Variants in DLG5 observed in about 807,000 individuals in gnomAD.
DLG5 encodes disks large homolog 5.
In DLG5, 48 loss-of-function variants were observed where a neutral mutation model predicts 189.8. That is an observed-to-expected ratio of 0.25 (90% CI 0.20 to 0.32). DLG5 has a LOEUF of 0.32. Among genes scored for constraint, DLG5 ranks in the 10% least tolerant of loss-of-function variants. DLG5 has a pLI of 1.00. For synonymous variants in DLG5, 1,016 were observed against 1,054.1 expected (o/e 0.96, Z 0.70); for missense variants, 2,160 against 2,544.7 (o/e 0.85, Z 3.25).
intron 18 of DLG5, 117 bp downstream of exon 18, chr10:77,817,660 C>T: frequency 1.2e-6 from 1 of 846,646 alleles, no homozygotes; most frequent in Non-Finnish European, 1.9e-6. Flanking sequence ...GAGCTCAGTC[C>T]CAGGAGGTGA....
chr10:77,898,872 G>A (rs1047963675), intron 1 of DLG5, among the ~76,000 whole-genome samples: 5 of 152,312 alleles, frequency 3.3e-5, no homozygotes, highest in Non-Finnish European at 7.4e-5. Context: ...AGTCACCCAC[G>A]CCGGGACGGG....
At position 77,926,644 on chromosome 10, in the gene DLG5, A is replaced by G. The variant is rs1419159688; in HGVS notation, c.-124T>C. 4.3e-6 allele frequency: 3 copies of G among 693,152 alleles called. No homozygotes were observed. Among genetic ancestry groups the G allele is most frequent in the East Asian group, 1.1e-4 (1 of 8,842 alleles). 42.9% of individuals were successfully genotyped at this position (693,152 alleles called of 1,614,324 possible). A position where few individuals can be genotyped will look rare whatever the true frequency, so the allele number is the denominator to read the frequency against. ...CGGGAGCCGTGAGGCGGCGGGAGCC[A>G]TGGGCCGGGGCCTGGGCGGGCTGGG... is the stretch of plus-strand genomic sequence containing the variant. On this transcript the variant is annotated 5_prime_UTR_variant, in exon 1 of 32. The change abolishes an upstream ATG in the 5' untranslated region. Transcript: ENST00000372391. This position sits in a 1 kb window ranked among gnomAD's most constrained non-coding sequence, Gnocchi z 5.2.
chr10:77,853,250 G>C (rs1844068031), intron 5 of DLG5, 104 bp downstream of exon 5: 17 of 1,138,012 alleles, frequency 1.5e-5, no homozygotes, highest in Non-Finnish European at 2.0e-5. Context: ...TCACAGATGT[G>C]AGCCAACGTG....
chr10:77,858,049 C>T (rs1194964299), intron 2 of DLG5, among the ~76,000 whole-genome samples: 1 of 152,136 alleles, frequency 6.6e-6, no homozygotes, highest in Non-Finnish European at 1.5e-5. Flanking sequence ...TGGGGCCTTC[C>T]AGAAGGGCCA....
intron 5 of DLG5, among the ~76,000 whole-genome samples, chr10:77,844,026 G>C (rs552540394): frequency 2.0e-5 from 3 of 152,146 alleles, no homozygotes; most frequent in Admixed American, 6.5e-5. Flanking sequence ...CTAGGAACCC[G>C]AACAGTAAAC....
intron 1 of DLG5, among the ~76,000 whole-genome samples, chr10:77,876,278 C>A (rs1386525208): frequency 6.6e-6 from 1 of 151,638 alleles, no homozygotes; most frequent in East Asian, 1.9e-4. Context: ...GTGGCTCATG[C>A]CTGTAATCCC....
intron 1 of DLG5, among the ~76,000 whole-genome samples, chr10:77,902,689 T>A (rs1025367228): frequency 6.6e-6 from 1 of 151,854 alleles, no homozygotes. Context: ...TGAAACCCCA[T>A]CTCTACTAAA....
At chr10:77,799,451 T>G (rs1366569531) in intron 27 of DLG5, among the ~76,000 whole-genome samples, 1 of 152,136 alleles carries the variant, frequency 6.6e-6, no homozygotes, top group Non-Finnish European at 1.5e-5. Flanking sequence ...GTCTCCAACA[T>G]GTGAGGACAC....
chr10:77,817,576 C>A (rs183585610), intron 18 of DLG5, among the ~76,000 whole-genome samples: 1 of 152,230 alleles, frequency 6.6e-6, no homozygotes, highest in African/African-American at 2.4e-5. Context: ...AAGCGGAAGG[C>A]GAAAGCAATG....
chr10:77,891,686 C>T (rs539937760), intron 1 of DLG5, among the ~76,000 whole-genome samples: 85 of 152,254 alleles, frequency 5.6e-4, no homozygotes, highest in African/African-American at 2.0e-3. Flanking sequence ...CTACACATCA[C>T]TCCCACAGGA....
the DLG5 span, among the ~76,000 whole-genome samples, chr10:77,932,309 AG>A: frequency 6.6e-6 from 1 of 152,316 alleles, no homozygotes; most frequent in East Asian, 1.9e-4. Flanking sequence ...ACAGTGAGGC[AG>A]GGGCCCCCAG....
intron 20 of DLG5, among the ~76,000 whole-genome samples, chr10:77,815,328 T>A (rs1004992971): frequency 6.6e-6 from 1 of 152,212 alleles, no homozygotes; most frequent in African/African-American, 2.4e-5. Flanking sequence ...GGTTCTCTGG[T>A]TGGTTGCCTT....
At chr10:77,893,616 T>A (rs992404949) in intron 1 of DLG5, among the ~76,000 whole-genome samples, 1 of 152,204 alleles carries the variant, frequency 6.6e-6, no homozygotes, top group Non-Finnish European at 1.5e-5. Context: ...GCCAAGTCCA[T>A]AGTCAGTCCC....
intron 1 of DLG5, among the ~76,000 whole-genome samples, chr10:77,874,447 T>C (rs972799609): frequency 6.6e-6 from 1 of 152,198 alleles, no homozygotes; most frequent in Non-Finnish European, 1.5e-5. Flanking sequence ...CTGAAACTTT[T>C]TGAGCACCAA....
chr10:77,865,167 C>G (rs1844622187), intron 2 of DLG5, among the ~76,000 whole-genome samples: 1 of 152,218 alleles, frequency 6.6e-6, no homozygotes, highest in Admixed American at 6.5e-5. Flanking sequence ...CAGTGCCTGT[C>G]TCCCTGGCAG....
Position 77,821,270 on chromosome 10 carries a change from G to T in DLG5, c.3214C>A (p.Arg1072Ser), listed in dbSNP as rs138732431. 26 of 1,613,722 alleles carry T rather than the reference G, an allele frequency of 1.6e-5. No individual in the cohort carries two copies. The highest frequency in any genetic ancestry group is 2.0e-5 in the Non-Finnish European group (24 of 1,180,042). Residue 1072 changes from arginine to serine, a missense_variant, in exon 15 of 32, where the codon CGC (arginine) becomes AGC (serine). Physicochemically the swap from Arg to Ser is moderately radical, Grantham distance 110. This residue lies in a region of DLG5 where 754 missense variants were observed against 746.5 expected (regional missense o/e 1.01). Coordinates refer to ENST00000372391, the MANE Select transcript of DLG5 (RefSeq NM_004747.4). ...HASPPRKARV[R>S]IASSYYPEGD... is the part of the protein sequence containing the mutation. ...TCAGGGTAGTAGCTGGAAGCAATGCGGACCCTGGCCTTGCGAGGGGGTGAT... is the reference window on the plus strand; with the variant it reads ...TCAGGGTAGTAGCTGGAAGCAATGCTGACCCTGGCCTTGCGAGGGGGTGAT...
At position 77,796,090 on chromosome 10, in the gene DLG5, C is replaced by G; in HGVS notation, c.5407G>C (p.Val1803Leu). The change falls in exon 29 of 32, where the codon GTG becomes CTG. Residue 1803 changes from valine to leucine, a missense_variant. By Grantham distance (32) the Val-to-Leu change is conservative. Transcript: ENST00000372391. This position sits in a 1 kb window ranked among gnomAD's most constrained non-coding sequence, Gnocchi z 5.2. The part of the protein sequence containing the change: ...RRSGHFDVTT[V>L]ASIKEITEKN... ...TCTGTGATCTCCTTTATTGACGCCACAGTGGTCACATCGAAATGGCCGCTT... is the reference window on the plus strand; with the variant it reads ...TCTGTGATCTCCTTTATTGACGCCAGAGTGGTCACATCGAAATGGCCGCTT... The G allele has an allele frequency of 6.2e-7, 1 of 1,614,214 alleles. No individual in the cohort carries two copies. Among genetic ancestry groups the G allele is most frequent in the Non-Finnish European group, 8.5e-7 (1 of 1,180,040 alleles).
intron 1 of DLG5, among the ~76,000 whole-genome samples, chr10:77,872,224 G>A (rs1844929454): frequency 6.6e-6 from 1 of 152,148 alleles, no homozygotes; most frequent in Admixed American, 6.5e-5. Context: ...CTTACTCTTG[G>A]CATCAGCAGT....
At chr10:77,841,307 C>T (rs1843403488) in intron 7 of DLG5, among the ~76,000 whole-genome samples, 1 of 152,236 alleles carries the variant, frequency 6.6e-6, no homozygotes, top group Admixed American at 6.5e-5. Context: ...TGCTACCAAA[C>T]ATCCCAGCCC....
Sources: allele counts gnomAD v4.1 joint callset (sites outside exome capture counted in the v4.1 genomes callset), GRCh38; gene constraint gnomAD v4.1.1; regional missense constraint gnomAD v4.1.1; non-coding constraint Gnocchi (gnomAD v3.1); transcripts MANE v1.5; gene names NCBI Gene and HGNC (gene_info 2026-07-23, HGNC 2026-07-21).